Variants in GPR180 observed in about 807,000 individuals in gnomAD.
The protein encoded by GPR180 is G protein-coupled receptor 180, also known as integral membrane protein GPR180.
In GPR180, 53 loss-of-function variants were observed where a neutral mutation model predicts 52.6. That is an observed-to-expected ratio of 1.01 (90% CI 0.81 to 1.27). GPR180 has a LOEUF of 1.27. GPR180 is among the 50% of genes most tolerant of loss of function. The probability of loss-of-function intolerance (pLI) is 0.00; values close to 1 mark genes in which losing one functional copy is unlikely to be tolerated. For missense variants in GPR180, 533 were observed against 527.0 expected (o/e 1.01, Z -0.11); for synonymous variants, 200 against 193.1 (o/e 1.04, Z -0.30).
intron 5 of GPR180, 97 bp downstream of exon 5, chr13:94,619,614 G>A (rs1889827003): frequency 1.9e-6 from 2 of 1,038,714 alleles, no homozygotes; most frequent in Non-Finnish European, 2.9e-6. Flanking sequence ...GTCGAAAATT[G>A]TTTAGAAATC....
At chr13:94,625,036 A>C in intron 7 of GPR180, among the ~76,000 whole-genome samples, 1 of 138,396 alleles carries the variant, frequency 7.2e-6, no homozygotes, top group African/African-American at 2.8e-5. Context: ...CTGTTCTGGA[A>C]CTCCCGACCT....
chr13:94,602,715 T>C (rs998613039), intron 1 of GPR180, among the ~76,000 whole-genome samples: 29 of 152,192 alleles, frequency 1.9e-4, no homozygotes, highest in Admixed American at 3.9e-4. Context: ...GTGGCTCTTC[T>C]GAAATCAGAG....
rs748326485 is a variant in GPR180, at chr13:94,612,396, A to G, written c.505+6A>G. On this transcript the variant is annotated splice_donor_region_variant and intron_variant, in intron 3 of 8. Transcript: ENST00000376958. ...TTTTAGTGCTGGAGAATCTGGTAAG[A>G]ATATGTATTTGAATATATCCTAAAT... 6.3e-7 allele frequency: 1 copy of G among 1,577,556 alleles called. No homozygotes were observed. Among genetic ancestry groups the G allele is most frequent in the Non-Finnish European group, 8.7e-7 (1 of 1,146,706 alleles).
chr13:94,604,542 A>G (rs1047896562), intron 1 of GPR180, among the ~76,000 whole-genome samples: 4 of 151,888 alleles, frequency 2.6e-5, no homozygotes, highest in Non-Finnish European at 5.9e-5. Flanking sequence ...GTGAGCCGAG[A>G]TTGCGCCACT....
chr13:94,618,048 T>C (rs1051526334), intron 3 of GPR180, among the ~76,000 whole-genome samples: 2 of 152,220 alleles, frequency 1.3e-5, no homozygotes, highest in Non-Finnish European at 2.9e-5. Flanking sequence ...AAGACTGTAC[T>C]AAAAAGCTGC....
At position 94,601,918 on chromosome 13, in the gene GPR180, G is replaced by C; in HGVS notation, c.-10G>C. ...GGAGCCGAGGCGTCGGTGCAGACCTGGAGACGGGCATGGGGGGGCTGCGGC... is the reference window on the plus strand; with the variant it reads ...GGAGCCGAGGCGTCGGTGCAGACCTCGAGACGGGCATGGGGGGGCTGCGGC... On this transcript the variant is annotated 5_prime_UTR_variant, in exon 1 of 9. Transcript: ENST00000376958. 1 of 1,481,408 alleles carries C rather than the reference G, an allele frequency of 6.8e-7. No homozygotes were observed. Among genetic ancestry groups the C allele is most frequent in the Non-Finnish European group, 8.9e-7 (1 of 1,121,222 alleles). 91.8% of individuals were successfully genotyped at this position (1,481,408 alleles called of 1,614,324 possible).
chr13:94,613,198 A>G (rs1368419983), intron 3 of GPR180, among the ~76,000 whole-genome samples: 7 of 152,204 alleles, frequency 4.6e-5, no homozygotes, highest in Non-Finnish European at 1.0e-4. Context: ...GAAAGAGTCA[A>G]TCTGCTTAAG....
intron 3 of GPR180, among the ~76,000 whole-genome samples, chr13:94,618,404 G>A (rs190495908): frequency 8.1e-6 from 1 of 124,138 alleles, no homozygotes; most frequent in East Asian, 2.0e-4. Context: ...GCATGGAGTC[G>A]CATGATCAGC....
At chr13:94,607,611 T>C (rs974413659) in intron 2 of GPR180, among the ~76,000 whole-genome samples, 17 of 151,922 alleles carry the variant, frequency 1.1e-4, no homozygotes, top group African/African-American at 3.6e-4. Flanking sequence ...ACATTTTATT[T>C]ATTTGTTATA....
chr13:94,612,914 C>T (rs1332100161), intron 3 of GPR180, among the ~76,000 whole-genome samples: 1 of 151,968 alleles, frequency 6.6e-6, no homozygotes, highest in East Asian at 1.9e-4. Flanking sequence ...TTCATTGAAG[C>T]TTACAACAAT....
chr13:94,621,543 C>T (rs923364874), intron 6 of GPR180, among the ~76,000 whole-genome samples: 12 of 152,232 alleles, frequency 7.9e-5, no homozygotes, highest in African/African-American at 4.8e-5. Context: ...AGTCTTATTT[C>T]CTACTTAATA....
In GPR180 at chr13:94,621,207, G is replaced by T. The variant is rs1221402785; in HGVS notation, c.866G>T (p.Gly289Val). The stretch of plus-strand genomic sequence containing the variant: ...TGGGATTCTACGCCTGCATCCACTG[G>T]CATTGCAGTATTCATTGTCATGACA... ...LQWDSTPAST[G>V]IAVFIVMTQS... is the part of the protein sequence containing the mutation. The change falls in exon 6 of 9, where the codon GGC (glycine) becomes GTC (valine). Residue 289 changes from glycine (G) to valine (V), a missense_variant. Coordinates refer to ENST00000376958, the MANE Select transcript of GPR180 (RefSeq NM_180989.6). 6.2e-6 allele frequency: 10 copies of T among 1,605,384 alleles called. No homozygotes were observed. In the East Asian group the frequency reaches 2.0e-4, roughly 33 times the overall value.
At chr13:94,608,458 A>G (rs1184075616) in intron 2 of GPR180, among the ~76,000 whole-genome samples, 3 of 152,208 alleles carry the variant, frequency 2.0e-5, no homozygotes, top group Non-Finnish European at 2.9e-5. Flanking sequence ...AACAGGTAAC[A>G]GGAATTTTAG....
chr13:94,605,406 T>C lies in GPR180; in HGVS notation c.161T>C (p.Leu54Pro). Residue 54 changes from leucine to proline, a missense_variant, in exon 2 of 9, where the codon CTG becomes CCG. By Grantham distance (98) the Leu-to-Pro change is moderately conservative (BLOSUM62 -3). Coordinates refer to ENST00000376958, the MANE Select transcript of GPR180 (RefSeq NM_180989.6). ...HFEFHGDHAL[L>P]CVRINNIAVA... ...TAATGTCAAGGTGACCATGCTCTTCTGTGTGTCAGAATCAACAACATAGCA... is the reference window on the plus strand; with the variant it reads ...TAATGTCAAGGTGACCATGCTCTTCCGTGTGTCAGAATCAACAACATAGCA... 1 of 1,614,058 alleles carries C rather than the reference T, an allele frequency of 6.2e-7. No homozygotes were observed. Among genetic ancestry groups the C allele is most frequent in the Non-Finnish European group, 8.5e-7 (1 of 1,179,982 alleles).
chr13:94,611,230 A>ATTTCTAT (rs1889699723), intron 2 of GPR180, among the ~76,000 whole-genome samples: 2 of 152,060 alleles, frequency 1.3e-5, no homozygotes, highest in African/African-American at 4.8e-5. Context: ...CATTCCTGTA[A>ATTTCTAT]TTTCTATTTT....
chr13:94,613,857 T>C (rs1418586670), intron 3 of GPR180, among the ~76,000 whole-genome samples: 2 of 151,264 alleles, frequency 1.3e-5, no homozygotes, highest in Non-Finnish European at 3.0e-5. Context: ...ACTAAATTGC[T>C]CCTCAGGTCC....
intron 5 of GPR180, 24 bp from the exon 6 acceptor site, chr13:94,621,054 A>G (rs1889845339): frequency 1.4e-5 from 22 of 1,581,146 alleles, no homozygotes; most frequent in Non-Finnish European, 1.9e-5. Context: ...AACTTGGTTG[A>G]CGTTGGTTTT....
intron 2 of GPR180, 43 bp downstream of exon 2, chr13:94,605,592 T>G (rs1889618798): frequency 1.3e-6 from 2 of 1,539,030 alleles, no homozygotes; most frequent in South Asian, 1.2e-5. Flanking sequence ...TATAGTTTTT[T>G]TCCTCCTAAT....
intron 3 of GPR180, among the ~76,000 whole-genome samples, chr13:94,615,994 C>T (rs1425425194): frequency 6.6e-6 from 1 of 152,122 alleles, no homozygotes; most frequent in Admixed American, 6.5e-5. Context: ...AGAAGTTTTG[C>T]GGCTTCTCCA....
Sources: allele counts gnomAD v4.1 joint callset (sites outside exome capture counted in the v4.1 genomes callset), GRCh38; gene constraint gnomAD v4.1.1; transcripts MANE v1.5; gene names NCBI Gene and HGNC (gene_info 2026-07-23, HGNC 2026-07-21).